TRPM8: variants seen among roughly 807,000 people sequenced by gnomAD.
TRPM8 encodes the protein transient receptor potential cation channel subfamily M member 8.
In TRPM8, 110 loss-of-function variants were observed where a neutral mutation model predicts 133.7. The observed-to-expected ratio is 0.82, with a 90% CI of 0.70 to 0.96. TRPM8 has a LOEUF of 0.96. Among genes scored for constraint, TRPM8 ranks in the 40% least tolerant of loss-of-function variants. The pLI, the probability that TRPM8 is intolerant of heterozygous loss-of-function variation, is 0.00. For missense variants in TRPM8, 1,291 were observed against 1,379.5 expected (o/e 0.94, Z 1.02); for synonymous variants, 535 against 532.3 (o/e 1.01, Z -0.07).
At chr2:233,942,877 G>T in intron 6 of TRPM8, 129 bp downstream of exon 6, 1 of 1,062,050 alleles carries the variant, frequency 9.4e-7, no homozygotes, top group Non-Finnish European at 1.5e-6. Flanking sequence ...CTTTCAAGGA[G>T]TGCCTTTGGG....
intron 3 of TRPM8, among the ~76,000 whole-genome samples, chr2:233,935,293 G>C (rs535619006): frequency 1.3e-5 from 2 of 152,314 alleles, no homozygotes; most frequent in South Asian, 2.1e-4. Flanking sequence ...GGGGATCCTT[G>C]CTCCAGAGTC....
chr2:233,963,517 G>C, intron 13 of TRPM8, 140 bp downstream of exon 13: 1 of 594,520 alleles, frequency 1.7e-6, no homozygotes, highest in African/African-American at 1.9e-5. Context: ...CATGGTCTCT[G>C]TTCCATGTTG....
intron 17 of TRPM8, among the ~76,000 whole-genome samples, chr2:233,978,081 CTT>C (rs540222140): frequency 7.9e-6 from 1 of 126,932 alleles, no homozygotes; most frequent in African/African-American, 2.7e-5. Context: ...TTACAATTTG[CTT>C]TTTTTTTTTT....
Position 233,937,451 on chromosome 2 carries a change from A to T in TRPM8, c.290A>T (p.Glu97Val). 6.2e-7 allele frequency: 1 copy of T among 1,614,158 alleles called. No homozygotes were observed. The highest frequency in any genetic ancestry group is 8.5e-7 in the Non-Finnish European group (1 of 1,180,034). The stretch of plus-strand genomic sequence containing the variant: ...TGGAACTACAAGAAACACACCAAGG[A>T]ATTTCCTACCGACGCCTTTGGGGAT... ...EKWNYKKHTK[E>V]FPTDAFGDIQ... The change falls in exon 4 of 26, where the codon GAA becomes GTA. Residue 97 changes from glutamate to valine, a missense_variant. Coordinates refer to ENST00000324695, the MANE Select transcript of TRPM8 (RefSeq NM_024080.5).
intron 14 of TRPM8, 106 bp downstream of exon 14, chr2:233,964,863 A>G: frequency 8.0e-7 from 1 of 1,256,058 alleles, no homozygotes; most frequent in Non-Finnish European, 1.1e-6. Flanking sequence ...TGGCATGTCC[A>G]AGCTCCCCAG....
chr2:233,954,961 G>A, intron 10 of TRPM8, 171 bp from the exon 11 acceptor site: 2 of 558,146 alleles, frequency 3.6e-6, no homozygotes, highest in Non-Finnish European at 6.4e-6. Flanking sequence ...CATACAGAAT[G>A]TGGTTAAGAA....
chr2:233,975,608 C>T (rs1454567524), intron 17 of TRPM8, among the ~76,000 whole-genome samples: 5 of 152,200 alleles, frequency 3.3e-5, no homozygotes, highest in African/African-American at 4.8e-5. Context: ...AGGCTGGGCA[C>T]GGTGGCTCCC....
intron 17 of TRPM8, among the ~76,000 whole-genome samples, chr2:233,979,134 G>A (rs937645423): frequency 6.6e-6 from 1 of 152,160 alleles, no homozygotes; most frequent in Non-Finnish European, 1.5e-5. Flanking sequence ...ACTCCTATTG[G>A]TGAGTTCATT....
At chr2:234,012,437 C>T (rs990060759) in intron 24 of TRPM8, among the ~76,000 whole-genome samples, 3 of 151,660 alleles carry the variant, frequency 2.0e-5, no homozygotes, top group Non-Finnish European at 2.9e-5. Context: ...TGAGCCACCA[C>T]GCCCAGCAGT....
intron 24 of TRPM8, among the ~76,000 whole-genome samples, chr2:234,011,342 G>A (rs75371085): frequency 0.13 from 19,572 of 152,012 alleles, 1,552 homozygotes; most frequent in Admixed American, 0.21. Flanking sequence ...TGTCAGTACC[G>A]TACTGTTTTG....
chr2:234,000,673 G>T (rs1421614274), intron 22 of TRPM8, among the ~76,000 whole-genome samples: 1 of 116,462 alleles, frequency 8.6e-6, no homozygotes, highest in Non-Finnish European at 1.7e-5. Flanking sequence ...AAGATCCAAA[G>T]AAACAACCTT....
intron 1 of TRPM8, among the ~76,000 whole-genome samples, chr2:233,918,452 G>A (rs1368501438): frequency 1.3e-5 from 2 of 151,962 alleles, no homozygotes; most frequent in Non-Finnish European, 2.9e-5. Flanking sequence ...TGTGAAGACA[G>A]TAGGGGTCCA....
At chr2:233,929,214 ATAT>A (rs1691635044) in intron 2 of TRPM8, among the ~76,000 whole-genome samples, 2 of 152,108 alleles carry the variant, frequency 1.3e-5, no homozygotes, top group Non-Finnish European at 2.9e-5. Flanking sequence ...TAACTGGAAA[ATAT>A]TATTTGAGTT....
chr2:233,999,597 TC>T (rs971372348), intron 22 of TRPM8, among the ~76,000 whole-genome samples: 3 of 151,492 alleles, frequency 2.0e-5, no homozygotes, highest in African/African-American at 7.3e-5. Context: ...TGAGAATGCC[TC>T]CCCCACCCAA....
At chr2:233,934,770 T>G (rs1189597726) in intron 3 of TRPM8, among the ~76,000 whole-genome samples, 2 of 152,272 alleles carry the variant, frequency 1.3e-5, no homozygotes, top group Admixed American at 6.5e-5. Flanking sequence ...CAGCAGAAAC[T>G]TGGCCACAGT....
chr2:233,953,792 G>C, intron 9 of TRPM8, 125 bp from the exon 10 acceptor site: 1 of 636,342 alleles, frequency 1.6e-6, no homozygotes, highest in Non-Finnish European at 2.8e-6. Context: ...ATTCAGAAAT[G>C]AGAAGCTGAT....
intron 22 of TRPM8, among the ~76,000 whole-genome samples, chr2:233,999,388 G>A (rs1248806476): frequency 1.3e-5 from 2 of 152,246 alleles, no homozygotes; most frequent in Admixed American, 6.5e-5. Flanking sequence ...GTCAGATGAC[G>A]TCACTTCTGC....
At chr2:233,929,944 T>C (rs1691647990) in intron 2 of TRPM8, among the ~76,000 whole-genome samples, 1 of 152,222 alleles carries the variant, frequency 6.6e-6, no homozygotes, top group South Asian at 2.1e-4. Context: ...CATATGTTTA[T>C]GGGTTATTCT....
At chr2:233,987,136 A>C (rs942890505) in intron 21 of TRPM8, among the ~76,000 whole-genome samples, 1 of 152,220 alleles carries the variant, frequency 6.6e-6, no homozygotes, top group African/African-American at 2.4e-5. Flanking sequence ...TGTTTATTAG[A>C]TCACTATTTG....
Sources: allele counts gnomAD v4.1 joint callset (sites outside exome capture counted in the v4.1 genomes callset), GRCh38; gene constraint gnomAD v4.1.1; transcripts MANE v1.5; gene names NCBI Gene and HGNC (gene_info 2026-07-23, HGNC 2026-07-21).